Variants in UTP20 observed in about 807,000 individuals in gnomAD.
The protein encoded by UTP20 is small subunit processome component 20 homolog.
Under a neutral mutation model 329.5 loss-of-function variants are expected in UTP20, and 164 were observed. That is an observed-to-expected ratio of 0.50 (90% CI 0.44 to 0.57). The LOEUF is 0.57. Among genes scored for constraint, UTP20 ranks in the 20% least tolerant of loss-of-function variants. The pLI, the probability that UTP20 is intolerant of heterozygous loss-of-function variation, is 0.00. For synonymous variants in UTP20, 1,151 were observed against 1,159.3 expected (o/e 0.99, Z 0.14); for missense variants, 3,055 against 3,284.2 (o/e 0.93, Z 1.71).
At chr12:101,384,496 G>C (rs1444365563) in intron 60 of UTP20, among the ~76,000 whole-genome samples, 6 of 152,196 alleles carry the variant, frequency 3.9e-5, no homozygotes, top group South Asian at 4.1e-4. Context: ...AGCCGTGATT[G>C]CACCACTGCA....
chr12:101,360,688 G>T (rs1489046507), intron 43 of UTP20, among the ~76,000 whole-genome samples: 1 of 152,006 alleles, frequency 6.6e-6, no homozygotes, highest in Non-Finnish European at 1.5e-5. Context: ...ATAAAAATTG[G>T]CATGGTGGCA....
At chr12:101,351,997 C>T in intron 38 of UTP20, 58 bp from the exon 39 acceptor site, 1 of 1,586,716 alleles carries the variant, frequency 6.3e-7, no homozygotes, top group South Asian at 1.1e-5. Flanking sequence ...ACTGAGTTAG[C>T]CTTGCATTTT....
intron 53 of UTP20, 21 bp from the exon 54 acceptor site, chr12:101,373,564 C>T: frequency 6.2e-7 from 1 of 1,611,116 alleles, no homozygotes; most frequent in East Asian, 2.2e-5. Context: ...TGAGTGCTCA[C>T]ACGTGCCTCT....
chr12:101,373,716 G>T lies in UTP20; in HGVS notation c.7080G>T (p.Glu2360Asp). The T allele has an allele frequency of 6.2e-7, 1 of 1,610,680 alleles. No homozygotes were observed. The highest frequency in any genetic ancestry group is 8.5e-7 in the Non-Finnish European group (1 of 1,179,338). Reference sequence around the variant, plus strand: ...CCCTACTTGGTAAAATCAGCCTCGAGAAAAAAGATTGGCTGTTTGATATGG... The same window carrying T: ...CCCTACTTGGTAAAATCAGCCTCGATAAAAAAGATTGGCTGTTTGATATGG... ...IKSLLGKISL[E>D]KKDWLFDMVT... is the part of the protein sequence containing the mutation. The change falls in exon 54 of 62, where the codon GAG (glutamate) becomes GAT (aspartate). Residue 2360 changes from glutamate (E) to aspartate (D), a missense_variant. Glu to Asp is a conservative substitution (Grantham distance 45, BLOSUM62 2). This residue lies in a region of UTP20 where 273 missense variants were observed against 363.1 expected (regional missense o/e 0.75). Coordinates refer to ENST00000261637, the MANE Select transcript of UTP20 (RefSeq NM_014503.3).
intron 17 of UTP20, 141 bp downstream of exon 17, chr12:101,306,902 G>T: frequency 9.1e-6 from 7 of 771,016 alleles, no homozygotes; most frequent in Non-Finnish European, 1.3e-5. Context: ...GGCTGGGCGC[G>T]GTGGCTCACG....
chr12:101,359,364 C>T (rs962659944), intron 43 of UTP20, among the ~76,000 whole-genome samples: 13 of 152,090 alleles, frequency 8.5e-5, no homozygotes, highest in Non-Finnish European at 2.9e-5. Context: ...CTGCACCCAG[C>T]CCCAGTATTT....
At chr12:101,346,343 C>G (rs1376160359) in intron 37 of UTP20, 108 bp from the exon 38 acceptor site, 8 of 1,346,742 alleles carry the variant, frequency 5.9e-6, no homozygotes, top group Non-Finnish European at 7.9e-6. Flanking sequence ...AGCCACCGCA[C>G]CTGGCCACTC....
intron 25 of UTP20, among the ~76,000 whole-genome samples, chr12:101,326,503 C>T (rs928555875): frequency 6.9e-5 from 10 of 145,010 alleles, no homozygotes; most frequent in African/African-American, 2.7e-4. Flanking sequence ...GTTTTCTTCT[C>T]AAGTTCCTTT....
chr12:101,292,486 A>G (rs962744635), intron 10 of UTP20, among the ~76,000 whole-genome samples: 1 of 152,168 alleles, frequency 6.6e-6, no homozygotes, highest in Non-Finnish European at 1.5e-5. Context: ...GAGTAGTTAT[A>G]GTCTAGCGAA....
chr12:101,365,072 TTG>T (rs60890980), intron 45 of UTP20, among the ~76,000 whole-genome samples: 6,148 of 141,870 alleles, frequency 0.043, 140 homozygotes, highest in African/African-American at 0.06. Flanking sequence ...ATTTTGTTGA[TTG>T]TGTGTGTGTG....
chr12:101,308,127 C>T, intron 17 of UTP20, 58 bp from the exon 18 acceptor site: 2 of 1,422,126 alleles, frequency 1.4e-6, no homozygotes, highest in South Asian at 1.7e-5. Flanking sequence ...ATTTAATGTT[C>T]TTTTTGGAAA....
At chr12:101,319,699 C>A in intron 23 of UTP20, 64 bp downstream of exon 23, 1 of 1,374,494 alleles carries the variant, frequency 7.3e-7, no homozygotes, top group Non-Finnish European at 1.0e-6. Context: ...TTTTCTTTGT[C>A]AGAGTAGCTT....
At chr12:101,281,292 T>C in intron 2 of UTP20, 96 bp downstream of exon 2, 1 of 1,086,742 alleles carries the variant, frequency 9.2e-7, no homozygotes, top group Non-Finnish European at 1.4e-6. Context: ...TATTCCTTTT[T>C]GGACATGAAA....
At chr12:101,375,005 CAGATT>C in intron 55 of UTP20, 66 bp downstream of exon 55, 3 of 1,148,672 alleles carry the variant, frequency 2.6e-6, no homozygotes, top group Non-Finnish European at 3.9e-6. Context: ...ATGTAGCTAA[CAGATT>C]AGATATCAGC....
At chr12:101,280,586 A>C (rs570646258) in intron 1 of UTP20, among the ~76,000 whole-genome samples, 1 of 152,206 alleles carries the variant, frequency 6.6e-6, no homozygotes, top group Non-Finnish European at 1.5e-5. Flanking sequence ...TAAATTCACT[A>C]TTCCAGGAGA....
At chr12:101,381,248 C>T (rs770514800) in intron 58 of UTP20, 37 bp downstream of exon 58, 2 of 1,567,622 alleles carry the variant, frequency 1.3e-6, no homozygotes, top group South Asian at 1.1e-5. Context: ...AAAGAAGGGG[C>T]CGGCTGGGCA....
chr12:101,308,652 T>C (rs936358866), intron 18 of UTP20, among the ~76,000 whole-genome samples: 13 of 151,760 alleles, frequency 8.6e-5, no homozygotes, highest in African/African-American at 3.1e-4. Flanking sequence ...AGGTAGGTAG[T>C]GGCAACAGGA....
intron 16 of UTP20, 137 bp from the exon 17 acceptor site, chr12:101,306,562 T>TA: frequency 2.9e-6 from 2 of 677,992 alleles, no homozygotes; most frequent in Non-Finnish European, 4.7e-6. Flanking sequence ...AAATAAGGGC[T>TA]AGAATAGGCA....
At chr12:101,338,601 G>A (rs1869014042) in intron 30 of UTP20, among the ~76,000 whole-genome samples, 1 of 151,954 alleles carries the variant, frequency 6.6e-6, no homozygotes, top group Non-Finnish European at 1.5e-5. Flanking sequence ...AAAGCCTCAG[G>A]GGTCTCTTAA....
Sources: gnomAD v4.1 joint callset for allele counts (sites outside exome capture counted in the v4.1 genomes callset) on GRCh38, gnomAD v4.1.1 for gene constraint, gnomAD v4.1.1 regional missense constraint, MANE v1.5 for transcripts, NCBI Gene and HGNC (gene_info 2026-07-23, HGNC 2026-07-21) for gene names.